Variants in FYN observed in about 807,000 individuals in gnomAD.
The protein encoded by FYN is FYN proto-oncogene, Src family tyrosine kinase, also known as tyrosine-protein kinase Fyn.
Under a neutral mutation model 70.2 loss-of-function variants are expected in FYN, and 10 were observed. The ratio of observed to expected loss-of-function variants is 0.14; its 90% confidence interval spans 0.09 to 0.24. FYN has a LOEUF of 0.24. Among genes scored for constraint, FYN ranks in the 10% least tolerant of loss-of-function variants. The probability of loss-of-function intolerance (pLI) is 1.00; values close to 1 mark genes in which losing one functional copy is unlikely to be tolerated. For synonymous variants in FYN, 236 were observed against 248.6 expected (o/e 0.95, Z 0.48); for missense variants, 319 against 673.1 (o/e 0.47, Z 5.82).
chr6:111,808,811 G>A (rs887004910), intron 2 of FYN, among the ~76,000 whole-genome samples: 2 of 152,210 alleles, frequency 1.3e-5, no homozygotes, highest in African/African-American at 4.8e-5. Flanking sequence ...TAACTGCAGA[G>A]TTCTACCAGT....
At chr6:111,804,734 GT>G (rs1772096249) in intron 2 of FYN, among the ~76,000 whole-genome samples, 1 of 152,190 alleles carries the variant, frequency 6.6e-6, no homozygotes, top group Non-Finnish European at 1.5e-5. Flanking sequence ...GCAGTATGTG[GT>G]CCTTCCCACC....
At chr6:111,820,059 T>G (rs549677655) in intron 2 of FYN, 3 of 152,280 alleles carry the variant, frequency 2.0e-5, no homozygotes, top group African/African-American at 7.2e-5. Context: ...TTGGATGACA[T>G]CCTATGGCTA....
intron 3 of FYN, among the ~76,000 whole-genome samples, chr6:111,730,049 A>G (rs528841453): frequency 1.4e-4 from 21 of 152,290 alleles, no homozygotes; most frequent in African/African-American, 5.1e-4. Context: ...TAAGAGGGAG[A>G]GACTGACTGA....
intron 2 of FYN, among the ~76,000 whole-genome samples, chr6:111,829,093 C>A (rs551847947): frequency 6.6e-6 from 1 of 152,210 alleles, no homozygotes; most frequent in Non-Finnish European, 1.5e-5. Flanking sequence ...ACATGCTTTA[C>A]GAAATGAGCT....
intron 3 of FYN, among the ~76,000 whole-genome samples, chr6:111,730,845 G>T (rs78444204): frequency 6.7e-6 from 1 of 148,650 alleles, no homozygotes; most frequent in East Asian, 2.0e-4. Context: ...ATCAACCAGA[G>T]AAAAAGAGAA....
intron 3 of FYN, among the ~76,000 whole-genome samples, chr6:111,745,246 G>A (rs1188472641): frequency 6.6e-6 from 1 of 152,182 alleles, no homozygotes. Context: ...TCACTGAAGG[G>A]TGTCCAGCCC....
chr6:111,742,882 A>G (rs784591), intron 3 of FYN, among the ~76,000 whole-genome samples: 57 of 152,268 alleles, frequency 3.7e-4, no homozygotes, highest in African/African-American at 1.3e-3. Context: ...ATGAGTTACA[A>G]TTTGTCCTAC....
chr6:111,780,522 C>A (rs9384805), intron 3 of FYN, 44 bp downstream of exon 3: 89,858 of 152,458 alleles, frequency 0.59, 27,813 homozygotes, highest in East Asian at 0.85. Flanking sequence ...CGTGAGCACC[C>A]TTTTACAGCA....
chr6:111,718,795 T>C (rs1045635351), intron 4 of FYN, among the ~76,000 whole-genome samples: 16 of 151,694 alleles, frequency 1.1e-4, no homozygotes, highest in African/African-American at 3.4e-4. Flanking sequence ...AGCATGAGGG[T>C]GAACATAAAT....
At chr6:111,849,230 T>A (rs1295203499) in intron 1 of FYN, among the ~76,000 whole-genome samples, 2 of 152,178 alleles carry the variant, frequency 1.3e-5, no homozygotes, top group Non-Finnish European at 2.9e-5. Flanking sequence ...AAATGTGTGG[T>A]CAACTGCAGG....
chr6:111,801,822 A>G (rs147011404), intron 2 of FYN, among the ~76,000 whole-genome samples: 2 of 152,286 alleles, frequency 1.3e-5, no homozygotes, highest in African/African-American at 4.8e-5. Context: ...ATTCTTTGAG[A>G]AAATGGCTTT....
chr6:111,783,131 T>C (rs1234214951), intron 2 of FYN, among the ~76,000 whole-genome samples: 1 of 152,238 alleles, frequency 6.6e-6, no homozygotes, highest in Non-Finnish European at 1.5e-5. Flanking sequence ...GAATCCTGTG[T>C]ATCTTTTGTC....
intron 3 of FYN, among the ~76,000 whole-genome samples, chr6:111,766,126 A>G (rs956265113): frequency 3.3e-5 from 5 of 152,234 alleles, no homozygotes; most frequent in African/African-American, 1.2e-4. Flanking sequence ...TATGAGTGTC[A>G]GGCATCATGT....
chr6:111,713,083 G>A (rs1800463326), intron 5 of FYN, among the ~76,000 whole-genome samples: 1 of 152,074 alleles, frequency 6.6e-6, no homozygotes, highest in Admixed American at 6.5e-5. Context: ...AAAACCCTGT[G>A]GCTATGTAGA....
intron 2 of FYN, among the ~76,000 whole-genome samples, chr6:111,792,070 T>C (rs529787846): frequency 2.0e-5 from 3 of 152,290 alleles, no homozygotes; most frequent in Non-Finnish European, 2.9e-5. Flanking sequence ...CTTCATCAAA[T>C]GACATCAACA....
rs979090773 is a variant in FYN, at chr6:111,698,339, G to C, written c.862+1765C>G. Among the ~76,000 whole-genome samples the C allele has an allele frequency of 3.3e-5, 5 of 152,090 alleles. No individual in the cohort carries two copies. In the East Asian group the frequency reaches 9.6e-4, roughly 29 times the overall value. On this transcript the variant is annotated intron_variant, in intron 9 of 13. Transcript: ENST00000354650. ...GTAGAGGCAGGGTTTCTCCATGCTGGTCAGGCTGGTCTCAAACTCCTGACC... is the reference window on the plus strand; with the variant it reads ...GTAGAGGCAGGGTTTCTCCATGCTGCTCAGGCTGGTCTCAAACTCCTGACC...
At chr6:111,826,936 CT>C (rs1160693089) in intron 2 of FYN, among the ~76,000 whole-genome samples, 1 of 152,062 alleles carries the variant, frequency 6.6e-6, no homozygotes, top group Non-Finnish European at 1.5e-5. Flanking sequence ...AGAAAGGGAC[CT>C]TTAGAGATGA....
At chr6:111,789,583 C>A (rs1771533514) in intron 2 of FYN, among the ~76,000 whole-genome samples, 1 of 152,172 alleles carries the variant, frequency 6.6e-6, no homozygotes. Context: ...AACAACAATT[C>A]TGCTTCTATG....
chr6:111,699,391 G>T, intron 9 of FYN: 1 of 1,021,134 alleles, frequency 9.8e-7, no homozygotes, highest in Non-Finnish European at 1.4e-6. Context: ...TGGATGGCCT[G>T]TGCCCGTCTA....
Sources: allele counts gnomAD v4.1 joint callset (sites outside exome capture counted in the v4.1 genomes callset), GRCh38; gene constraint gnomAD v4.1.1; transcripts MANE v1.5; gene names NCBI Gene and HGNC (gene_info 2026-07-23, HGNC 2026-07-21).